JAK1: variants seen among roughly 807,000 people sequenced by gnomAD.
JAK1 encodes the protein Janus kinase 1.
Under a neutral mutation model 136.6 loss-of-function variants are expected in JAK1, and 16 were observed. The ratio of observed to expected loss-of-function variants is 0.12; its 90% CI spans 0.08 to 0.18. The LOEUF (loss-of-function observed/expected upper bound fraction) is 0.18, where lower values mean the gene tolerates loss of function less well. Ranked by LOEUF, JAK1 falls within the 10% of genes least tolerant of loss-of-function variation. JAK1 has a pLI of 1.00. For synonymous variants in JAK1, 492 were observed against 519.5 expected (o/e 0.95, Z 0.72); for missense variants, 859 against 1,450.1 (o/e 0.59, Z 6.62).
At chr1:64,913,031 T>A (rs899276919) in intron 1 of JAK1, among the ~76,000 whole-genome samples, 2 of 152,082 alleles carry the variant, frequency 1.3e-5, no homozygotes, top group African/African-American at 4.8e-5. Flanking sequence ...TATATATAAG[T>A]TTTTTTGAGA....
intron 2 of JAK1, among the ~76,000 whole-genome samples, chr1:65,010,710 G>A (rs914745107): frequency 6.6e-6 from 1 of 152,190 alleles, no homozygotes; most frequent in East Asian, 1.9e-4. Context: ...GCCAGGCATG[G>A]TGGCTTACAC....
rs539065805 is a variant in JAK1 at position 64,852,193 on chromosome 1, A to G, written c.1649-1283T>C. 3.3e-5 allele frequency among the ~76,000 whole-genome samples: 5 copies of G among 152,366 alleles called. No homozygotes were observed. In the East Asian group the frequency reaches 9.6e-4, roughly 29 times the overall value. ...ACATTAACTCCTTTGTCCTTATGAC[A>G]ATCCTGTGGAATACACAGTATTCTT... On this transcript the variant is annotated intron_variant, in intron 11 of 24. Coordinates refer to ENST00000342505, the MANE Select transcript of JAK1 (RefSeq NM_002227.4).
At chr1:64,868,678 C>T (rs561422601) in intron 6 of JAK1, among the ~76,000 whole-genome samples, 457 of 152,232 alleles carry the variant, frequency 3.0e-3, no homozygotes, top group Non-Finnish European at 5.6e-3. Context: ...AATGCAGCTA[C>T]GAAATCCCTT....
In JAK1 at chr1:64,846,635, GAGA is replaced by G. The variant is rs780548564; in HGVS notation, c.1987+11_1987+13del. 1 of 1,608,698 alleles carries G rather than the reference GAGA, an allele frequency of 6.2e-7. No homozygotes were observed. The highest frequency in any genetic ancestry group is 2.2e-5 in the East Asian group (1 of 44,842). On this transcript the variant is annotated intron_variant, in intron 14 of 24. Transcript: ENST00000342505. ...AGCCAGGCCACCCACCCCTTTGAAAGAGAACACACTTACTCTCCACGTCGCGGA... is the reference window on the plus strand; with the variant it reads ...AGCCAGGCCACCCACCCCTTTGAAAGACACACTTACTCTCCACGTCGCGGA...
At chr1:64,870,484 T>C (rs1295139858) in intron 5 of JAK1, among the ~76,000 whole-genome samples, 3 of 151,992 alleles carry the variant, frequency 2.0e-5, no homozygotes, top group African/African-American at 4.8e-5. Flanking sequence ...CCAAGTCAAG[T>C]AGAAGAATTG....
intron 1 of JAK1, among the ~76,000 whole-genome samples, chr1:65,064,568 A>T (rs972243516): frequency 2.0e-5 from 3 of 152,216 alleles, no homozygotes; most frequent in Admixed American, 6.5e-5. Flanking sequence ...TCAGGGACTG[A>T]ATGGAGACAC....
At chr1:64,986,194 C>T in intron 2 of JAK1, 1 of 389,286 alleles carries the variant, frequency 2.6e-6, no homozygotes, top group Non-Finnish European at 4.8e-6. Flanking sequence ...CAACCTCTGC[C>T]TCCCGGGTTC....
intron 8 of JAK1, among the ~76,000 whole-genome samples, chr1:64,860,981 T>TGTGTGTGTGTG (rs1656294523): frequency 7.6e-6 from 1 of 131,002 alleles, no homozygotes; most frequent in Admixed American, 8.0e-5. Flanking sequence ...TGTGTGTGTG[T>TGTGTGTGTGTG]TGGGGGTGAC....
intron 1 of JAK1, among the ~76,000 whole-genome samples, chr1:65,067,423 G>A (rs1648108916): frequency 6.7e-6 from 1 of 148,506 alleles, no homozygotes; most frequent in African/African-American, 2.4e-5. Context: ...GACGCGCCGC[G>A]AGACGGGGCC....
intron 1 of JAK1, among the ~76,000 whole-genome samples, chr1:65,054,597 G>T (rs1377621207): frequency 6.6e-6 from 1 of 152,066 alleles, no homozygotes; most frequent in African/African-American, 2.4e-5. Context: ...AAACTCCAAA[G>T]AATTTCAGGA....
rs144006385 is a variant in JAK1 at position 65,027,332 on chromosome 1, T to A, written c.-78+17148A>T. Reference sequence around the variant, plus strand: ...CCTCCCAAAGTGCTGGGATTACAGGTGTGAGCCACTGCACCCAGCCAATTA... The same window carrying A: ...CCTCCCAAAGTGCTGGGATTACAGGAGTGAGCCACTGCACCCAGCCAATTA... On this transcript the variant is annotated intron_variant, in intron 2 of 25. Transcript: ENST00000671954. 4.6e-3 allele frequency among the ~76,000 whole-genome samples: 701 copies of A among 152,028 alleles called. 4 individuals are homozygous for A. The highest frequency in any genetic ancestry group is 7.8e-3 in the East Asian group (40 of 5,124).
At chr1:64,865,676 T>C (rs955013758) in intron 7 of JAK1, among the ~76,000 whole-genome samples, 5 of 152,204 alleles carry the variant, frequency 3.3e-5, no homozygotes, top group South Asian at 4.1e-4. Context: ...TAATACCTAT[T>C]ATACAGAAAA....
rs1018369315 is a variant in JAK1 at position 65,054,780 on chromosome 1, TGAG to T, written c.-180-10201_-180-10199del. Among the ~76,000 whole-genome samples the T allele has an allele frequency of 4.9e-3, 23 of 4,720 alleles. 1 individual carries two copies. Among genetic ancestry groups the T allele is most frequent in the Admixed American group, 0.013 (5 of 394 alleles). The allele number at this position is 4,720 out of a possible 152,430, so 3.1% of individuals were successfully genotyped here. On this transcript the variant is annotated intron_variant, in intron 1 of 25. Coordinates refer to the JAK1 transcript ENST00000671954. ...TTTTTAATATTCATTGCTACTATAT[TGAG>T]TTTTCTTTACATTTTACACAATTCT...
intron 2 of JAK1, among the ~76,000 whole-genome samples, chr1:65,034,720 T>C (rs1339643822): frequency 2.0e-5 from 3 of 152,234 alleles, no homozygotes; most frequent in Admixed American, 1.3e-4. Context: ...TTCACTGTTT[T>C]GTTTCTCATG....
intron 1 of JAK1, among the ~76,000 whole-genome samples, chr1:64,902,061 T>C (rs1385409343): frequency 1.3e-5 from 2 of 152,204 alleles, no homozygotes; most frequent in Non-Finnish European, 2.9e-5. Flanking sequence ...AAAATCACCA[T>C]AAGAAGCCAA....
chr1:64,964,728 T>C (rs1037634344), intron 1 of JAK1, among the ~76,000 whole-genome samples: 3 of 152,340 alleles, frequency 2.0e-5, no homozygotes, highest in Middle Eastern at 3.4e-3. Context: ...TAATATGATA[T>C]ACAGAATTAA....
At chr1:64,839,850 A>G in intron 19 of JAK1, 55 bp from the exon 20 acceptor site, 1 of 1,442,220 alleles carries the variant, frequency 6.9e-7, no homozygotes, top group East Asian at 2.4e-5. Flanking sequence ...TAGGCCACGG[A>G]ACACACAGAA....
At chr1:64,856,119 A>C (rs1655914158) in intron 10 of JAK1, among the ~76,000 whole-genome samples, 6 of 152,242 alleles carry the variant, frequency 3.9e-5, no homozygotes, top group Admixed American at 3.9e-4. Flanking sequence ...TTATGATGGC[A>C]CAACTTCTCA....
At chr1:65,065,760 A>AG (rs1256466410) in intron 1 of JAK1, among the ~76,000 whole-genome samples, 1 of 150,716 alleles carries the variant, frequency 6.6e-6, no homozygotes, top group Non-Finnish European at 1.5e-5. Flanking sequence ...CAGGCTGCTT[A>AG]GGCCTGGCTC....
Sources: gnomAD v4.1 joint callset for allele counts (sites outside exome capture counted in the v4.1 genomes callset) on GRCh38, gnomAD v4.1.1 for gene constraint, MANE v1.5 for transcripts, NCBI Gene and HGNC (gene_info 2026-07-23, HGNC 2026-07-21) for gene names.